The following FAM81A variants were observed in gnomAD, a reference collection of about 807,000 sequenced individuals.
FAM81A encodes the protein protein FAM81A.
In FAM81A, 19 loss-of-function variants were observed where a neutral mutation model predicts 46.7. That is an observed-to-expected ratio of 0.41 (90% CI 0.28 to 0.60). The LOEUF (loss-of-function observed/expected upper bound fraction) is 0.60, where lower values mean the gene tolerates loss of function less well. FAM81A is among the 20% of genes least tolerant of loss of function. FAM81A has a pLI of 0.34. For missense variants in FAM81A, 377 were observed against 453.5 expected (o/e 0.83, Z 1.53); for synonymous variants, 183 against 152.9 (o/e 1.20, Z -1.45).
Position 59,463,478 on chromosome 15 carries a change from G to A in FAM81A, c.294+3272G>A, listed in dbSNP as rs138827558. Among the ~76,000 whole-genome samples the A allele has an allele frequency of 1.1e-3, 160 of 152,064 alleles. 1 individual carries two copies. Among genetic ancestry groups the A allele is most frequent in the African/African-American group, 3.2e-3 (131 of 41,476 alleles). The stretch of plus-strand genomic sequence containing the variant: ...ACTAGTCTATGTCCTTTGCATTTTC[G>A]TTTAAATTTTAGGATTAGCTTATCA... On this transcript the variant is annotated intron_variant, in intron 3 of 8. Transcript: ENST00000288228.
rs181237119 is a variant in FAM81A at position 59,446,197 on chromosome 15, G to T, written c.-78+7915G>T. On this transcript the variant is annotated intron_variant, in intron 1 of 8. Transcript: ENST00000288228. ...GCTGCCCTACGGCAGCTCAGCTGGGGAGACATAATCCAGAAAGGTTCAAAT... is the reference window on the plus strand; with the variant it reads ...GCTGCCCTACGGCAGCTCAGCTGGGTAGACATAATCCAGAAAGGTTCAAAT... Among the ~76,000 whole-genome samples, 16 of 152,362 alleles carry T rather than the reference G, an allele frequency of 1.1e-4. No homozygotes were observed. In the East Asian group the frequency reaches 2.7e-3, roughly 26 times the overall value.
chr15:59,493,477 A>C (rs1384868698), intron 4 of FAM81A, among the ~76,000 whole-genome samples: 1 of 152,082 alleles, frequency 6.6e-6, no homozygotes, highest in Admixed American at 6.6e-5. Flanking sequence ...CTTGCACTGT[A>C]CCTTTCAGCA....
At chr15:59,431,054 G>A (rs4410020) in intron 2 of FAM81A, among the ~76,000 whole-genome samples, 49,565 of 151,666 alleles carry the variant, frequency 0.33, 9,409 homozygotes, top group Non-Finnish European at 0.42. Context: ...ATATGAATTG[G>A]TGCCTTTGAT....
intron 4 of FAM81A, among the ~76,000 whole-genome samples, chr15:59,498,903 C>T (rs1049351946): frequency 6.6e-6 from 1 of 152,156 alleles, no homozygotes; most frequent in Non-Finnish European, 1.5e-5. Flanking sequence ...GATCCACCTG[C>T]CTCGGCCTTA....
At chr15:59,503,437 A>G (rs1281491708) in intron 4 of FAM81A, among the ~76,000 whole-genome samples, 1 of 152,110 alleles carries the variant, frequency 6.6e-6, no homozygotes, top group Non-Finnish European at 1.5e-5. Flanking sequence ...TTTACAAAGT[A>G]TTATATATAC....
At chr15:59,466,338 C>T (rs2081612755) in intron 3 of FAM81A, among the ~76,000 whole-genome samples, 2 of 152,202 alleles carry the variant, frequency 1.3e-5, no homozygotes, top group African/African-American at 4.8e-5. Context: ...TAAAAGCGTT[C>T]CTATTTCTCC....
chr15:59,507,117 C>T, intron 4 of FAM81A, 96 bp from the exon 5 acceptor site: 1 of 1,452,402 alleles, frequency 6.9e-7, no homozygotes, highest in Non-Finnish European at 9.2e-7. Context: ...AGTGCACTTT[C>T]TTTGAGTGGG....
intron 2 of FAM81A, among the ~76,000 whole-genome samples, chr15:59,426,044 T>C (rs564767123): frequency 6.6e-6 from 1 of 152,330 alleles, no homozygotes; most frequent in South Asian, 2.1e-4. Flanking sequence ...TATGTTCTTT[T>C]GAACAAAATT....
chr15:59,432,815 C>T (rs1596468033), intron 2 of FAM81A, among the ~76,000 whole-genome samples: 1 of 151,974 alleles, frequency 6.6e-6, no homozygotes, highest in African/African-American at 2.4e-5. Flanking sequence ...ACTCAATGAT[C>T]AAGATAAATA....
chr15:59,422,768 C>T (rs529117511), intron 2 of FAM81A, among the ~76,000 whole-genome samples: 1 of 152,028 alleles, frequency 6.6e-6, no homozygotes, highest in South Asian at 2.1e-4. Flanking sequence ...GAGCCACATG[C>T]CCAGCCACCT....
At chr15:59,482,466 A>G (rs1237576228) in intron 3 of FAM81A, among the ~76,000 whole-genome samples, 1 of 152,066 alleles carries the variant, frequency 6.6e-6, no homozygotes, top group Non-Finnish European at 1.5e-5. Flanking sequence ...ACGGGGTTTC[A>G]CCATGTTGGC....
chr15:59,507,415 T>C (rs913792064), intron 5 of FAM81A, 73 bp downstream of exon 5: 9 of 1,551,146 alleles, frequency 5.8e-6, no homozygotes, highest in Non-Finnish European at 7.9e-6. Context: ...GTGTTGATTA[T>C]TTCTTACAGG....
intron 6 of FAM81A, among the ~76,000 whole-genome samples, chr15:59,511,466 G>A (rs1261775965): frequency 8.5e-5 from 13 of 152,204 alleles, no homozygotes; most frequent in Non-Finnish European, 1.3e-4. Flanking sequence ...ATATGTGAAA[G>A]TGTTAGCAAG....
chr15:59,499,859 A>ATTTTTTT (rs746846741), intron 4 of FAM81A, among the ~76,000 whole-genome samples: 1 of 134,522 alleles, frequency 7.4e-6, no homozygotes, highest in African/African-American at 2.8e-5. Flanking sequence ...TTTCATTTTC[A>ATTTTTTT]TTTTTTTTTT....
intron 2 of FAM81A, among the ~76,000 whole-genome samples, chr15:59,415,307 C>G (rs1000533236): frequency 6.6e-6 from 1 of 151,332 alleles, no homozygotes; most frequent in African/African-American, 2.4e-5. Flanking sequence ...TTAGTAGAGA[C>G]GGGGGTTTCA....
chr15:59,458,731 G>A (rs11071448), intron 2 of FAM81A, 85 bp downstream of exon 2: 984,317 of 1,318,498 alleles, frequency 0.75, 368,815 homozygotes, highest in Admixed American at 0.86. Context: ...TTACATTATC[G>A]GAGAATGGTT....
At chr15:59,413,345 A>G (rs2081130584) in intron 2 of FAM81A, among the ~76,000 whole-genome samples, 2 of 150,722 alleles carry the variant, frequency 1.3e-5, no homozygotes, top group South Asian at 4.2e-4. Flanking sequence ...TGAGGTGCGA[A>G]CGTAACTGGC....
chr15:59,486,402 C>G (rs1396948384), intron 3 of FAM81A, among the ~76,000 whole-genome samples: 1 of 151,630 alleles, frequency 6.6e-6, no homozygotes, highest in African/African-American at 2.4e-5. Context: ...TAGAAAGTAG[C>G]TTCAAAAGGA....
intron 2 of FAM81A, among the ~76,000 whole-genome samples, chr15:59,422,153 G>A (rs943408805): frequency 6.6e-5 from 10 of 152,040 alleles, no homozygotes; most frequent in African/African-American, 1.7e-4. Context: ...TTGGGAGTCC[G>A]AGGCAGGAGG....
Sources: gnomAD v4.1 joint callset for allele counts (sites outside exome capture counted in the v4.1 genomes callset) on GRCh38, gnomAD v4.1.1 for gene constraint, MANE v1.5 for transcripts, NCBI Gene and HGNC (gene_info 2026-07-23, HGNC 2026-07-21) for gene names.